CNTNAP2: variants seen among roughly 807,000 people sequenced by gnomAD.
CNTNAP2 encodes contactin associated protein 2.
CNTNAP2 carries 98 observed loss-of-function variants against 155.2 expected under a neutral mutation model. The observed-to-expected ratio is 0.63, with a 90% CI of 0.54 to 0.75. The LOEUF (loss-of-function observed/expected upper bound fraction) is 0.75, where lower values mean the gene tolerates loss of function less well. CNTNAP2 is among the 30% of genes least tolerant of loss of function. CNTNAP2 has a pLI of 0.00. For synonymous variants in CNTNAP2, 651 were observed against 631.2 expected (o/e 1.03, Z -0.47); for missense variants, 1,727 against 1,688.1 (o/e 1.02, Z -0.40).
intron 13 of CNTNAP2, among the ~76,000 whole-genome samples, chr7:147,685,308 A>T (rs2116984637): frequency 6.6e-6 from 1 of 152,152 alleles, no homozygotes; most frequent in Admixed American, 6.6e-5. Context: ...CTTGCTGAAA[A>T]ATCATTTTTA....
At chr7:146,925,462 A>G (rs1796588479) in intron 3 of CNTNAP2, among the ~76,000 whole-genome samples, 1 of 152,106 alleles carries the variant, frequency 6.6e-6, no homozygotes, top group African/African-American at 2.4e-5. Context: ...GGAAACATCC[A>G]AATAGTCAAA....
At chr7:147,241,336 C>A (rs1178304372) in intron 8 of CNTNAP2, among the ~76,000 whole-genome samples, 1 of 152,030 alleles carries the variant, frequency 6.6e-6, no homozygotes. Flanking sequence ...TTTAGAAAAT[C>A]ATTTTTCTCT....
At chr7:146,832,646 C>A (rs1023210553) in intron 2 of CNTNAP2, among the ~76,000 whole-genome samples, 1 of 147,486 alleles carries the variant, frequency 6.8e-6, no homozygotes, top group South Asian at 2.1e-4. Flanking sequence ...TGAATATATA[C>A]ACTGTATAAT....
chr7:147,838,366 T>G (rs1798666486), intron 13 of CNTNAP2, among the ~76,000 whole-genome samples: 1 of 152,220 alleles, frequency 6.6e-6, no homozygotes, highest in Admixed American at 6.5e-5. Flanking sequence ...TCCAAATCTC[T>G]GCAGCCAGCT....
intron 1 of CNTNAP2, among the ~76,000 whole-genome samples, chr7:146,598,054 A>G (rs941664349): frequency 2.6e-5 from 4 of 151,994 alleles, no homozygotes; most frequent in East Asian, 1.9e-4. Context: ...CTCAGCTCAC[A>G]CCAAATCCAG....
intron 1 of CNTNAP2, among the ~76,000 whole-genome samples, chr7:146,542,889 T>C (rs1797972489): frequency 6.6e-6 from 1 of 151,936 alleles, no homozygotes; most frequent in Admixed American, 6.6e-5. Context: ...GAGAGTAGAA[T>C]GGTGATTACC....
intron 3 of CNTNAP2, among the ~76,000 whole-genome samples, chr7:146,843,970 T>C (rs1223113260): frequency 6.6e-6 from 1 of 152,160 alleles, no homozygotes; most frequent in Non-Finnish European, 1.5e-5. Flanking sequence ...ATATAGAAGA[T>C]AATGTATATT....
At chr7:148,305,992 C>A (rs1797484416) in intron 21 of CNTNAP2, among the ~76,000 whole-genome samples, 1 of 146,310 alleles carries the variant, frequency 6.8e-6, no homozygotes, top group Non-Finnish European at 1.5e-5. Flanking sequence ...AGCCATCCTT[C>A]TGTAGCTTCC....
intron 15 of CNTNAP2, among the ~76,000 whole-genome samples, chr7:147,987,075 A>G (rs78833438): frequency 2.0e-5 from 3 of 152,180 alleles, no homozygotes; most frequent in Non-Finnish European, 4.4e-5. Context: ...TAGTGGGTCT[A>G]AGAACAAGCA....
intron 9 of CNTNAP2, among the ~76,000 whole-genome samples, chr7:147,301,610 G>T (rs868055613): frequency 1.5e-5 from 2 of 133,126 alleles, no homozygotes; most frequent in Non-Finnish European, 3.4e-5. Context: ...GTGTGTGTGT[G>T]TGTGTGTGTG....
intron 13 of CNTNAP2, among the ~76,000 whole-genome samples, chr7:147,852,817 C>T (rs879731690): frequency 2.0e-5 from 3 of 152,098 alleles, no homozygotes; most frequent in Admixed American, 6.6e-5. Context: ...TATGAGACTA[C>T]GGATCCTCTG....
chr7:146,294,135 G>A (rs1195122679), intron 1 of CNTNAP2, among the ~76,000 whole-genome samples: 1 of 152,196 alleles, frequency 6.6e-6, no homozygotes, highest in Non-Finnish European at 1.5e-5. Flanking sequence ...CAATTCGACA[G>A]AATCACAAAG....
chr7:146,823,229 T>C (rs916599646), intron 2 of CNTNAP2, among the ~76,000 whole-genome samples: 7 of 150,134 alleles, frequency 4.7e-5, no homozygotes, highest in Non-Finnish European at 8.9e-5. Context: ...GTATACTCAT[T>C]CTTCAGTATA....
intron 15 of CNTNAP2, among the ~76,000 whole-genome samples, chr7:148,060,516 T>G (rs114944113): frequency 0.012 from 1,889 of 152,330 alleles, 41 homozygotes; most frequent in African/African-American, 0.042. Context: ...CCTTGAATCC[T>G]TTATCTATTA....
rs992898313 is a variant in CNTNAP2, at chr7:148,267,035, C to T, written c.3384C>T (p.Leu1128=). 1.2e-6 allele frequency: 2 copies of T among 1,614,020 alleles called. No homozygotes were observed. Among genetic ancestry groups the T allele is most frequent in the Non-Finnish European group, 1.7e-6 (2 of 1,179,902 alleles). The part of the protein sequence containing the change: ...TRHEKTIFLK[L]DHYPSVSYHL... ...TGTCTCTTGTTTTCCTCCTGCAGCT[C>T]GATCATTATCCTTCTGTGAGTTACC... Residue 1128 remains leucine (L), a splice_region_variant and synonymous_variant, in exon 21 of 24, where the codon CTC becomes CTT. Coordinates refer to ENST00000361727, the MANE Select transcript of CNTNAP2 (RefSeq NM_014141.6).
At chr7:147,812,793 T>C (rs1006456311) in intron 13 of CNTNAP2, among the ~76,000 whole-genome samples, 1 of 152,200 alleles carries the variant, frequency 6.6e-6, no homozygotes, top group Non-Finnish European at 1.5e-5. Flanking sequence ...CTATGGGTAA[T>C]GGAAGAGATT....
chr7:148,233,860 T>C (rs1312771202), intron 20 of CNTNAP2, among the ~76,000 whole-genome samples: 3 of 152,176 alleles, frequency 2.0e-5, no homozygotes, highest in Non-Finnish European at 4.4e-5. Context: ...GGGGGTGGAT[T>C]TCCCCCTAGA....
At chr7:146,874,420 A>T (rs914412376) in intron 3 of CNTNAP2, among the ~76,000 whole-genome samples, 2 of 152,046 alleles carry the variant, frequency 1.3e-5, no homozygotes, top group African/African-American at 4.8e-5. Flanking sequence ...GCTCACTGTA[A>T]CCGCTGTCTC....
chr7:148,164,392 C>T (rs1235751221), intron 17 of CNTNAP2, among the ~76,000 whole-genome samples: 1 of 151,984 alleles, frequency 6.6e-6, no homozygotes, highest in East Asian at 1.9e-4. Context: ...CTGACCTAGC[C>T]AGGGCAGCTG....
Sources: allele counts gnomAD v4.1 joint callset (sites outside exome capture counted in the v4.1 genomes callset), GRCh38; gene constraint gnomAD v4.1.1; transcripts MANE v1.5; gene names NCBI Gene and HGNC (gene_info 2026-07-23, HGNC 2026-07-21).